PTPRR: variants seen among roughly 807,000 people sequenced by gnomAD.
PTPRR encodes the protein protein tyrosine phosphatase receptor type R, also known as receptor-type tyrosine-protein phosphatase R.
A neutral mutation model predicts 77.2 loss-of-function variants in PTPRR; 38 were observed. That is an observed-to-expected ratio of 0.49 (90% CI 0.38 to 0.65). The LOEUF (loss-of-function observed/expected upper bound fraction) is 0.65, where lower values mean the gene tolerates loss of function less well. Ranked by LOEUF, PTPRR falls within the 30% of genes least tolerant of loss-of-function variation. The pLI is 0.00. For synonymous variants in PTPRR, 299 were observed against 283.1 expected, an observed-to-expected ratio of 1.06 and a Z score of -0.57; for missense variants, 744 against 799.2, an observed-to-expected ratio of 0.93 and a Z score of 0.83.
In PTPRR at chr12:70,672,468, C is replaced by T; in HGVS notation, c.1498-9863G>A. 3 of 1,120,532 alleles carry T rather than the reference C, an allele frequency of 2.7e-6. No individual in the cohort carries two copies. In the Admixed American group the frequency reaches 5.1e-5, roughly 19 times the overall value. The allele number at this position is 1,120,532 out of a possible 1,614,324, so 69.4% of individuals were successfully genotyped here. A position where few individuals can be genotyped will look rare whatever the true frequency, so the allele number is the denominator to read the frequency against. Reference sequence around the variant, plus strand: ...CAGATGCCATGGCCCATGTGGCTGGCTTCACTGCGGCTCATAACGTGAGTG... The same window carrying T: ...CAGATGCCATGGCCCATGTGGCTGGTTTCACTGCGGCTCATAACGTGAGTG... On this transcript the variant is annotated intron_variant, in intron 10 of 13. Coordinates refer to ENST00000283228, the MANE Select transcript of PTPRR (RefSeq NM_002849.4).
At chr12:70,663,752 A>G (rs980023232) in intron 10 of PTPRR, among the ~76,000 whole-genome samples, 1 of 152,190 alleles carries the variant, frequency 6.6e-6, no homozygotes, top group Non-Finnish European at 1.5e-5. Flanking sequence ...TTAATTTTAG[A>G]AATGTTTAAA....
At chr12:70,774,205 G>A in intron 2 of PTPRR, among the ~76,000 whole-genome samples, 1 of 152,226 alleles carries the variant, frequency 6.6e-6, no homozygotes, top group East Asian at 1.9e-4. Context: ...CACCAGCAGT[G>A]TTTGTCAGGC....
chr12:70,679,166 T>A (rs78632998), intron 10 of PTPRR, among the ~76,000 whole-genome samples: 1,797 of 152,326 alleles, frequency 0.012, 35 homozygotes, highest in African/African-American at 0.04. Context: ...CCTTTTAATG[T>A]CTTCATTGAT....
At chr12:70,653,233 C>G (rs183382083) in intron 13 of PTPRR, among the ~76,000 whole-genome samples, 1 of 152,122 alleles carries the variant, frequency 6.6e-6, no homozygotes, top group African/African-American at 2.4e-5. Flanking sequence ...TGCTGCTTCT[C>G]CCCCTCAGAG....
chr12:70,695,739 CAGAGAGAGAGAGAG>C (rs1046433767), intron 8 of PTPRR, among the ~76,000 whole-genome samples: 9 of 151,218 alleles, frequency 6.0e-5, no homozygotes, highest in Non-Finnish European at 1.0e-4. Context: ...AAAAATTTAA[CAGAGAGAGAGAGAG>C]GGAGAGAGAA....
intron 13 of PTPRR, chr12:70,639,539 G>A (rs767722562): frequency 2.6e-6 from 3 of 1,174,988 alleles, no homozygotes; most frequent in Non-Finnish European, 3.2e-6. Context: ...TTACTGGGGA[G>A]GTGGTACAGC....
chr12:70,830,787 G>A (rs992739779), intron 2 of PTPRR, among the ~76,000 whole-genome samples: 1 of 152,142 alleles, frequency 6.6e-6, no homozygotes, highest in Non-Finnish European at 1.5e-5. Context: ...GCTAATCAGG[G>A]CTCTGAGTTC....
At chr12:70,903,830 A>G (rs569283310) in intron 1 of PTPRR, among the ~76,000 whole-genome samples, 1 of 151,954 alleles carries the variant, frequency 6.6e-6, no homozygotes, top group East Asian at 1.9e-4. Flanking sequence ...TACAAGTCAC[A>G]TATCCAACAA....
At chr12:70,916,527 T>C (rs1175014923) in intron 1 of PTPRR, among the ~76,000 whole-genome samples, 1 of 152,078 alleles carries the variant, frequency 6.6e-6, no homozygotes, top group Non-Finnish European at 1.5e-5. Context: ...GTGGTACTTC[T>C]GCAAATCATC....
chr12:70,766,986 G>T (rs966298616), intron 2 of PTPRR, among the ~76,000 whole-genome samples: 5 of 151,820 alleles, frequency 3.3e-5, no homozygotes, highest in Non-Finnish European at 7.4e-5. Flanking sequence ...TCACCACCAG[G>T]CCTGCCCTAA....
intron 2 of PTPRR, among the ~76,000 whole-genome samples, chr12:70,795,025 A>C (rs1307890268): frequency 1.3e-5 from 2 of 152,118 alleles, no homozygotes; most frequent in Admixed American, 6.6e-5. Context: ...GAGGTGTGGT[A>C]AGAGAGAGGG....
chr12:70,696,796 T>C (rs1040183744), intron 8 of PTPRR, among the ~76,000 whole-genome samples: 2 of 152,172 alleles, frequency 1.3e-5, no homozygotes, highest in Non-Finnish European at 1.5e-5. Flanking sequence ...AAGCAACCAC[T>C]AAGATATTTT....
intron 10 of PTPRR, among the ~76,000 whole-genome samples, chr12:70,682,194 C>G (rs1375962464): frequency 1.3e-5 from 2 of 151,094 alleles, no homozygotes; most frequent in African/African-American, 2.4e-5. Flanking sequence ...CAGGCGCCCG[C>G]CACCACGCCC....
chr12:70,891,870 C>T (rs1374811102), intron 2 of PTPRR, among the ~76,000 whole-genome samples: 3 of 152,056 alleles, frequency 2.0e-5, no homozygotes, highest in South Asian at 2.1e-4. Flanking sequence ...CTTGGCCACA[C>T]AAATCAACTC....
chr12:70,839,324 T>C (rs1386470654), intron 2 of PTPRR, among the ~76,000 whole-genome samples: 2 of 152,110 alleles, frequency 1.3e-5, no homozygotes, highest in Admixed American at 1.3e-4. Context: ...GATATGTGTG[T>C]GTGTGTGTGT....
At chr12:70,686,021 C>T (rs1395579752) in intron 8 of PTPRR, among the ~76,000 whole-genome samples, 2 of 152,072 alleles carry the variant, frequency 1.3e-5, no homozygotes, top group Non-Finnish European at 2.9e-5. Context: ...TGTAAGCTGA[C>T]GATTAAAATA....
chr12:70,869,473 T>C (rs1166511275), intron 2 of PTPRR, among the ~76,000 whole-genome samples: 1 of 152,168 alleles, frequency 6.6e-6, no homozygotes, highest in Non-Finnish European at 1.5e-5. Context: ...ATCAACAGGG[T>C]TAGCAACTGT....
rs549501566 is a variant in PTPRR, at chr12:70,918,294, C to A, written c.58+2039G>T. ...CAAGAGAACTATAATATTAAACTTACAATCTGCTGTGATAAAACACCAATG... is the reference window on the plus strand; with the variant it reads ...CAAGAGAACTATAATATTAAACTTAAAATCTGCTGTGATAAAACACCAATG... On this transcript the variant is annotated intron_variant, in intron 1 of 13. Transcript: ENST00000283228. Among the ~76,000 whole-genome samples, 67 of 152,286 alleles carry A rather than the reference C, an allele frequency of 4.4e-4. No individual in the cohort carries two copies. The South Asian group carries it at 6.2e-3, about 14-fold the overall frequency.
chr12:70,666,964 T>G (rs1427848246), intron 10 of PTPRR, among the ~76,000 whole-genome samples: 3 of 122,012 alleles, frequency 2.5e-5, no homozygotes, highest in South Asian at 5.7e-4. Flanking sequence ...TTTTTTTTTT[T>G]TTTTTTTTTG....
Sources: gnomAD v4.1 joint callset for allele counts (sites outside exome capture counted in the v4.1 genomes callset) on GRCh38, gnomAD v4.1.1 for gene constraint, MANE v1.5 for transcripts, NCBI Gene and HGNC (gene_info 2026-07-23, HGNC 2026-07-21) for gene names.